The following CAMKMT variants were observed in gnomAD, a reference collection of about 807,000 sequenced individuals.
The protein encoded by CAMKMT is CaM KMT.
In CAMKMT, 53 loss-of-function variants were observed where a neutral mutation model predicts 48.0. The observed-to-expected ratio is 1.10, with a 90% CI of 0.89 to 1.39. The LOEUF is 1.39. Ranked by LOEUF, CAMKMT falls within the 40% of genes most tolerant of loss-of-function variation. The probability of loss-of-function intolerance (pLI) is 0.00; values close to 1 mark genes in which losing one functional copy is unlikely to be tolerated. For missense variants in CAMKMT, 428 were observed against 402.7 expected (o/e 1.06, Z -0.54); for synonymous variants, 165 against 152.3 (o/e 1.08, Z -0.61).
chr2:44,761,962 G>A (rs1035334904), intron 9 of CAMKMT, among the ~76,000 whole-genome samples: 4 of 152,226 alleles, frequency 2.6e-5, no homozygotes, highest in Admixed American at 1.3e-4. Context: ...GGGCAATGGT[G>A]AAAGCTATAG....
At chr2:44,541,667 A>C (rs1180989911) in intron 3 of CAMKMT, among the ~76,000 whole-genome samples, 1 of 151,616 alleles carries the variant, frequency 6.6e-6, no homozygotes, top group African/African-American at 2.4e-5. Context: ...GCTGCTTGGG[A>C]GGCTGAGGTA....
At chr2:44,492,694 A>G (rs1669566292) in intron 3 of CAMKMT, among the ~76,000 whole-genome samples, 1 of 152,058 alleles carries the variant, frequency 6.6e-6, no homozygotes, top group Non-Finnish European at 1.5e-5. Flanking sequence ...AATCAGTGGT[A>G]ATGATACAAT....
chr2:44,478,397 G>T (rs75692343), intron 3 of CAMKMT, among the ~76,000 whole-genome samples: 2,692 of 152,188 alleles, frequency 0.018, 86 homozygotes, highest in African/African-American at 0.062. Flanking sequence ...CAGCAATATG[G>T]TGGATAATAT....
chr2:44,627,855 A>G (rs1162769754), intron 3 of CAMKMT, among the ~76,000 whole-genome samples: 2 of 151,058 alleles, frequency 1.3e-5, no homozygotes, highest in Non-Finnish European at 2.9e-5. Flanking sequence ...GCGTGCCACC[A>G]CACCTGGCTA....
chr2:44,505,720 A>G, intron 3 of CAMKMT, among the ~76,000 whole-genome samples: 1 of 152,160 alleles, frequency 6.6e-6, no homozygotes, highest in Non-Finnish European at 1.5e-5. Context: ...GAGGCGGAAG[A>G]AAATCCATGT....
chr2:44,544,427 C>G (rs1434473642), intron 3 of CAMKMT, among the ~76,000 whole-genome samples: 1 of 152,098 alleles, frequency 6.6e-6, no homozygotes, highest in East Asian at 1.9e-4. Context: ...GTTAATTAAG[C>G]CAGGCCATTG....
At chr2:44,583,359 C>T (rs924295960) in intron 3 of CAMKMT, among the ~76,000 whole-genome samples, 2 of 152,152 alleles carry the variant, frequency 1.3e-5, no homozygotes, top group East Asian at 1.9e-4. Flanking sequence ...ATTTTTAATG[C>T]AAGTTTTACC....
intron 3 of CAMKMT, among the ~76,000 whole-genome samples, chr2:44,400,096 A>G (rs1352521472): frequency 6.6e-6 from 1 of 152,190 alleles, no homozygotes; most frequent in Non-Finnish European, 1.5e-5. Flanking sequence ...ATCCCAAGTC[A>G]TACCCAAACA....
chr2:44,443,020 CT>C (rs1666766360), intron 3 of CAMKMT, among the ~76,000 whole-genome samples: 1 of 152,212 alleles, frequency 6.6e-6, no homozygotes, highest in Non-Finnish European at 1.5e-5. Context: ...GCACGTTCTT[CT>C]GTCCTACCTG....
intron 2 of CAMKMT, among the ~76,000 whole-genome samples, chr2:44,377,528 G>T (rs1338525767): frequency 6.6e-6 from 1 of 152,118 alleles, no homozygotes; most frequent in Non-Finnish European, 1.5e-5. Context: ...TTCCAGCACA[G>T]CAGGAATTTG....
intron 3 of CAMKMT, among the ~76,000 whole-genome samples, chr2:44,409,092 T>G (rs1182217198): frequency 2.0e-3 from 2 of 1,004 alleles, no homozygotes; most frequent in Non-Finnish European, 2.9e-3. Context: ...TATATATATA[T>G]ATATATATAT....
chr2:44,677,935 G>A (rs1305053056), intron 3 of CAMKMT, among the ~76,000 whole-genome samples: 2 of 152,008 alleles, frequency 1.3e-5, no homozygotes, highest in African/African-American at 4.8e-5. Flanking sequence ...CCAGTTAATG[G>A]TGTCACTAAG....
chr2:44,607,912 T>C (rs1671376223), intron 3 of CAMKMT, among the ~76,000 whole-genome samples: 1 of 151,994 alleles, frequency 6.6e-6, no homozygotes, highest in South Asian at 2.1e-4. Context: ...CATTACCCAA[T>C]ATACCCATTA....
At chr2:44,674,471 T>A (rs1675553365) in intron 3 of CAMKMT, among the ~76,000 whole-genome samples, 1 of 152,132 alleles carries the variant, frequency 6.6e-6, no homozygotes. Flanking sequence ...AAGAAAAACA[T>A]GTATCTGATC....
chr2:44,753,473 G>T (rs595920), intron 8 of CAMKMT, among the ~76,000 whole-genome samples: 1 of 151,960 alleles, frequency 6.6e-6, no homozygotes, highest in African/African-American at 2.4e-5. Flanking sequence ...TAGAGGCCCA[G>T]AGAGGAAAAT....
At chr2:44,428,624 T>G (rs1045384096) in intron 3 of CAMKMT, among the ~76,000 whole-genome samples, 2 of 152,272 alleles carry the variant, frequency 1.3e-5, no homozygotes, top group African/African-American at 4.8e-5. Flanking sequence ...GTTCTTTTAG[T>G]TAACATAGTC....
chr2:44,370,040 C>T (rs925540819), intron 1 of CAMKMT: 4 of 152,024 alleles, frequency 2.6e-5, no homozygotes, highest in South Asian at 4.2e-4. Context: ...TAGGTGATGC[C>T]GGTTTATCAT....
intron 2 of CAMKMT, among the ~76,000 whole-genome samples, chr2:44,374,807 G>T (rs1295952764): frequency 2.6e-5 from 4 of 152,026 alleles, no homozygotes; most frequent in African/African-American, 9.7e-5. Context: ...GAGCTAAAGT[G>T]TTGGCTTCAT....
intron 3 of CAMKMT, among the ~76,000 whole-genome samples, chr2:44,644,461 T>A (rs1347251800): frequency 1.3e-5 from 2 of 152,234 alleles, no homozygotes; most frequent in Non-Finnish European, 2.9e-5. Context: ...TTAACCTGTA[T>A]TGACATATGG....
Sources: allele counts gnomAD v4.1 joint callset (sites outside exome capture counted in the v4.1 genomes callset), GRCh38; gene constraint gnomAD v4.1.1; transcripts MANE v1.5; gene names NCBI Gene and HGNC (gene_info 2026-07-23, HGNC 2026-07-21).